Variants in CNTN5 observed in about 807,000 individuals in gnomAD.
CNTN5 encodes the protein contactin-5.
In CNTN5, 77 loss-of-function variants were observed where a neutral mutation model predicts 129.1. That is an observed-to-expected ratio of 0.60 (90% CI 0.50 to 0.72). The LOEUF is 0.72. Ranked by LOEUF, CNTN5 falls within the 30% of genes least tolerant of loss-of-function variation. CNTN5 has a pLI of 0.00. For missense variants in CNTN5, 1,478 were observed against 1,328.8 expected (o/e 1.11, Z -1.75); for synonymous variants, 509 against 465.6 (o/e 1.09, Z -1.20).
In CNTN5 at chr11:100,242,960, G is replaced by A. The variant is rs75947448; in HGVS notation, c.2006-12800G>A. 8.0e-3 allele frequency among the ~76,000 whole-genome samples: 1,217 copies of A among 152,340 alleles called. 18 individuals are homozygous for A. Among genetic ancestry groups the A allele is most frequent in the African/African-American group, 0.028 (1,157 of 41,574 alleles). ...TGTCTGATAACTTGTCAATAAGACA[G>A]ACCAGCAGATACCGCGAAATAAAAG... On this transcript the variant is annotated intron_variant, in intron 16 of 24. Coordinates refer to ENST00000524871, the MANE Select transcript of CNTN5 (RefSeq NM_014361.4).
At chr11:99,224,537 G>A (rs561529659) in intron 1 of CNTN5, among the ~76,000 whole-genome samples, 5 of 152,138 alleles carry the variant, frequency 3.3e-5, no homozygotes, top group African/African-American at 7.2e-5. Context: ...AATGCATTGA[G>A]GTGTAGCACG....
intron 1 of CNTN5, among the ~76,000 whole-genome samples, chr11:99,303,236 G>A (rs915415464): frequency 1.9e-4 from 29 of 151,452 alleles, no homozygotes; most frequent in African/African-American, 6.1e-4. Flanking sequence ...CTAAATGTTA[G>A]GAAAATGTTA....
chr11:99,277,636 G>A (rs1863501785), intron 1 of CNTN5, among the ~76,000 whole-genome samples: 2 of 151,362 alleles, frequency 1.3e-5, no homozygotes, highest in African/African-American at 4.8e-5. Context: ...TACCATTTTT[G>A]CTATTTGCAG....
intron 23 of CNTN5, among the ~76,000 whole-genome samples, chr11:100,347,567 T>C (rs1474303396): frequency 1.3e-5 from 2 of 152,080 alleles, no homozygotes; most frequent in Non-Finnish European, 2.9e-5. Context: ...TTGGAAATGC[T>C]GGGGAGATAG....
chr11:99,663,455 G>A (rs548235567), intron 3 of CNTN5, among the ~76,000 whole-genome samples: 6 of 152,132 alleles, frequency 3.9e-5, no homozygotes, highest in Non-Finnish European at 8.8e-5. Flanking sequence ...GTAACAGAGC[G>A]AGACTCCGTC....
At chr11:99,785,835 G>C (rs1945500860) in intron 3 of CNTN5, among the ~76,000 whole-genome samples, 1 of 152,060 alleles carries the variant, frequency 6.6e-6, no homozygotes, top group South Asian at 2.1e-4. Context: ...AAATAAAGTA[G>C]GTATTGATGG....
intron 1 of CNTN5, among the ~76,000 whole-genome samples, chr11:99,109,900 C>T (rs1000399774): frequency 1.3e-5 from 2 of 151,814 alleles, no homozygotes; most frequent in African/African-American, 4.8e-5. Context: ...TCTGTTTTTC[C>T]TAGAATCTTT....
chr11:99,397,744 G>A (rs2136203076), intron 2 of CNTN5, among the ~76,000 whole-genome samples: 1 of 151,644 alleles, frequency 6.6e-6, no homozygotes, highest in Non-Finnish European at 1.5e-5. Context: ...AGATGTTTCA[G>A]GCTCATTTTA....
chr11:99,891,092 C>T (rs1438101103), intron 6 of CNTN5, among the ~76,000 whole-genome samples: 1 of 151,814 alleles, frequency 6.6e-6, no homozygotes, highest in Non-Finnish European at 1.5e-5. Flanking sequence ...TTGAACAGAC[C>T]AGAAAAAATA....
In CNTN5 at chr11:99,614,960, T is replaced by TGC. The variant is rs569532303; in HGVS notation, c.55+58692_55+58693dup. On this transcript the variant is annotated intron_variant, in intron 3 of 24. Coordinates refer to ENST00000524871, the MANE Select transcript of CNTN5 (RefSeq NM_014361.4). ...CCGTACTGTTGTTTATGTGTGTGTG[T>TGC]GCATGTGTGTGTAGGTAGGTAGGGA... Among the ~76,000 whole-genome samples, 468 of 151,510 alleles carry TGC rather than the reference T, an allele frequency of 3.1e-3. 2 individuals carry two copies. Among genetic ancestry groups the TGC allele is most frequent in the African/African-American group, 9.8e-3 (405 of 41,382 alleles).
At chr11:99,832,456 G>A (rs1947172433) in intron 4 of CNTN5, among the ~76,000 whole-genome samples, 1 of 152,110 alleles carries the variant, frequency 6.6e-6, no homozygotes, top group Admixed American at 6.6e-5. Flanking sequence ...TATGTTGTGT[G>A]TACAACGAAA....
At chr11:99,197,975 ATTAT>A (rs1195962406) in intron 1 of CNTN5, among the ~76,000 whole-genome samples, 2 of 152,188 alleles carry the variant, frequency 1.3e-5, no homozygotes, top group Non-Finnish European at 2.9e-5. Flanking sequence ...TGATTGGCAA[ATTAT>A]TTATTTTTAA....
chr11:99,685,340 A>G (rs1284058719), intron 3 of CNTN5, among the ~76,000 whole-genome samples: 1 of 151,882 alleles, frequency 6.6e-6, no homozygotes, highest in Non-Finnish European at 1.5e-5. Context: ...AATGTGTACC[A>G]TAGTTGCTGA....
intron 1 of CNTN5, among the ~76,000 whole-genome samples, chr11:99,201,916 T>A (rs920372083): frequency 6.6e-6 from 1 of 152,186 alleles, no homozygotes; most frequent in Non-Finnish European, 1.5e-5. Context: ...ATAGTAGACT[T>A]GTCTTGTTTA....
At chr11:99,249,233 G>A (rs1426040799) in intron 1 of CNTN5, among the ~76,000 whole-genome samples, 1 of 152,098 alleles carries the variant, frequency 6.6e-6, no homozygotes, top group Non-Finnish European at 1.5e-5. Flanking sequence ...AAGCAATTGT[G>A]AATGGGAGTT....
In CNTN5 at chr11:100,278,668, T is replaced by G. The variant is rs189262348; in HGVS notation, c.2314+7427T>G. Among the ~76,000 whole-genome samples the G allele has an allele frequency of 1.7e-3, 261 of 152,206 alleles. 1 individual carries two copies. Among genetic ancestry groups the G allele is most frequent in the Non-Finnish European group, 2.7e-3 (183 of 67,924 alleles). The stretch of plus-strand genomic sequence containing the variant: ...TATGTTGATTTTGTATCCTGAAAAT[T>G]TACTAAATTTGTTCATCAGTTCTAA... On this transcript the variant is annotated intron_variant, in intron 18 of 24. Transcript: ENST00000524871.
chr11:100,042,283 T>C (rs948745997), intron 9 of CNTN5, among the ~76,000 whole-genome samples: 3 of 152,034 alleles, frequency 2.0e-5, no homozygotes, highest in East Asian at 3.9e-4. Context: ...TTTGTCTCAA[T>C]AGCTTTTCTT....
chr11:99,657,501 C>T (rs1016303484), intron 3 of CNTN5, among the ~76,000 whole-genome samples: 11 of 151,968 alleles, frequency 7.2e-5, no homozygotes, highest in African/African-American at 2.7e-4. Flanking sequence ...ATCACTGTAA[C>T]CTGCAAAAGG....
At chr11:99,138,581 GAATA>G (rs1859353845) in intron 1 of CNTN5, among the ~76,000 whole-genome samples, 1 of 152,136 alleles carries the variant, frequency 6.6e-6, no homozygotes, top group African/African-American at 2.4e-5. Context: ...ATCAGCTACT[GAATA>G]TTTATCTTAA....
Sources: allele counts gnomAD v4.1 joint callset (sites outside exome capture counted in the v4.1 genomes callset), GRCh38; gene constraint gnomAD v4.1.1; transcripts MANE v1.5; gene names NCBI Gene and HGNC (gene_info 2026-07-23, HGNC 2026-07-21).